The following PLXNA4 variants were observed in gnomAD, a reference collection of about 807,000 sequenced individuals.
The protein encoded by PLXNA4 is plexin-A4.
In PLXNA4, 44 loss-of-function variants were observed where a neutral mutation model predicts 191.8. The ratio of observed to expected loss-of-function variants is 0.23; its 90% CI spans 0.18 to 0.29. The LOEUF (loss-of-function observed/expected upper bound fraction) is 0.29. Among genes scored for constraint, PLXNA4 ranks in the 10% least tolerant of loss-of-function variants. PLXNA4 has a pLI of 1.00. For missense variants in PLXNA4, 1,800 were observed against 2,488.8 expected (o/e 0.72, Z 5.89); for synonymous variants, 1,082 against 1,009.5 (o/e 1.07, Z -1.36).
At chr7:132,333,264 G>C (rs1329492780) in intron 3 of PLXNA4, among the ~76,000 whole-genome samples, 1 of 152,214 alleles carries the variant, frequency 6.6e-6, no homozygotes, top group African/African-American at 2.4e-5. Context: ...ACTGGGGCTT[G>C]TTGAGGGACT....
At chr7:132,561,358 CCCT>C (rs1162321412) in intron 1 of PLXNA4, among the ~76,000 whole-genome samples, 3 of 110,602 alleles carry the variant, frequency 2.7e-5, no homozygotes, top group East Asian at 3.4e-4. Flanking sequence ...CTCTTCCTCT[CCCT>C]CCTTCTTGTC....
intron 9 of PLXNA4, among the ~76,000 whole-genome samples, chr7:132,214,541 C>T (rs1797905739): frequency 6.6e-6 from 1 of 152,104 alleles, no homozygotes; most frequent in African/African-American, 2.4e-5. Context: ...CCACTTCCAC[C>T]ACCCTGCCCC....
intron 2 of PLXNA4, among the ~76,000 whole-genome samples, chr7:132,582,828 T>G (rs996196453): frequency 1.3e-5 from 2 of 152,208 alleles, no homozygotes; most frequent in African/African-American, 4.8e-5. Flanking sequence ...ATTAACCTCT[T>G]AAGCTTATTA....
intron 31 of PLXNA4, 22 bp from the exon 32 acceptor site, chr7:132,130,596 G>A: frequency 6.2e-7 from 1 of 1,613,976 alleles, no homozygotes; most frequent in Non-Finnish European, 8.5e-7. Flanking sequence ...CCAAGAACAG[G>A]GAGATTACTC....
chr7:132,618,392 A>C (rs1563196222), intron 2 of PLXNA4, among the ~76,000 whole-genome samples: 1 of 151,168 alleles, frequency 6.6e-6, no homozygotes, highest in Non-Finnish European at 1.5e-5. Context: ...GGCAGAGGCC[A>C]TGTTCATTCT....
At chr7:132,619,303 T>C (rs1400820388) in intron 2 of PLXNA4, among the ~76,000 whole-genome samples, 1 of 152,166 alleles carries the variant, frequency 6.6e-6, no homozygotes, top group Non-Finnish European at 1.5e-5. Flanking sequence ...CAATTTTATA[T>C]GGGGACAAGA....
chr7:132,136,708 G>A (rs527680411), intron 30 of PLXNA4, among the ~76,000 whole-genome samples: 274 of 152,124 alleles, frequency 1.8e-3, no homozygotes, highest in Non-Finnish European at 2.0e-3. Flanking sequence ...CTGCCTTTAG[G>A]TTAGCTCTGT....
chr7:132,455,155 G>C (rs1424996146), intron 3 of PLXNA4, among the ~76,000 whole-genome samples: 1 of 152,214 alleles, frequency 6.6e-6, no homozygotes, highest in South Asian at 2.1e-4. Context: ...CACACTGGCA[G>C]GTATCTGTGG....
At chr7:132,573,198 TAAG>T (rs1231845564) in intron 1 of PLXNA4, among the ~76,000 whole-genome samples, 1 of 151,926 alleles carries the variant, frequency 6.6e-6, no homozygotes, top group Non-Finnish European at 1.5e-5. Context: ...TGGACACAAA[TAAG>T]AAGAGAGGAG....
At chr7:132,278,588 C>T (rs560911393) in intron 4 of PLXNA4, among the ~76,000 whole-genome samples, 81 of 152,268 alleles carry the variant, frequency 5.3e-4, no homozygotes, top group African/African-American at 1.8e-3. Flanking sequence ...ACTAATGGCC[C>T]GAGGCAGGGG....
At chr7:132,304,423 C>T (rs545646298) in intron 3 of PLXNA4, among the ~76,000 whole-genome samples, 18 of 152,316 alleles carry the variant, frequency 1.2e-4, no homozygotes, top group African/African-American at 4.3e-4. Flanking sequence ...TTTTACAAAA[C>T]AAGTAAAATT....
At position 132,532,548 on chromosome 7, in the gene PLXNA4, C is replaced by T. The variant is rs1223848179; in HGVS notation, c.-86-23769G>A. 2.0e-5 allele frequency among the ~76,000 whole-genome samples: 3 copies of T among 152,192 alleles called. No individual in the cohort carries two copies. The South Asian group carries it at 6.2e-4, about 32-fold the overall frequency. On this transcript the variant is annotated intron_variant, in intron 1 of 31. Transcript: ENST00000321063. ...ATATGACATCATACCATCCTTTATG[C>T]ACAATGCATTATCCTTCATATGTTT...
chr7:132,454,699 G>A (rs1796251817), intron 3 of PLXNA4, among the ~76,000 whole-genome samples: 1 of 151,894 alleles, frequency 6.6e-6, no homozygotes. Flanking sequence ...AAACTGACTG[G>A]TGTCCTTATA....
intron 1 of PLXNA4, among the ~76,000 whole-genome samples, chr7:132,509,483 T>C (rs1798621230): frequency 6.6e-6 from 1 of 152,210 alleles, no homozygotes; most frequent in Non-Finnish European, 1.5e-5. Context: ...ACCTCCGAAG[T>C]ACATCCTATT....
In PLXNA4 at chr7:132,507,486, G is replaced by A. The variant is rs749620412; in HGVS notation, c.1188+20C>T. On this transcript the variant is annotated intron_variant, in intron 2 of 31. Transcript: ENST00000321063. The stretch of plus-strand genomic sequence containing the variant: ...CCTACACTCCCAACCATCCCAGCGC[G>A]CAGCCCTCCCTGTACTCACCGCACT... 1.4e-5 allele frequency: 22 copies of A among 1,586,174 alleles called. No individual in the cohort carries two copies. Among genetic ancestry groups the A allele is most frequent in the East Asian group, 6.7e-5 (3 of 44,620 alleles).
chr7:132,210,301 T>C (rs1018617839), intron 10 of PLXNA4, among the ~76,000 whole-genome samples: 2 of 152,158 alleles, frequency 1.3e-5, no homozygotes, highest in Non-Finnish European at 2.9e-5. Flanking sequence ...GGGTTCACTG[T>C]GGGGTACCTA....
chr7:132,517,819 T>C (rs1799000078), intron 1 of PLXNA4, among the ~76,000 whole-genome samples: 1 of 152,182 alleles, frequency 6.6e-6, no homozygotes, highest in Admixed American at 6.5e-5. Flanking sequence ...CTGAGGGCAG[T>C]GAGGGAGTTG....
chr7:132,198,218 C>T (rs1041785363), intron 13 of PLXNA4, among the ~76,000 whole-genome samples: 2 of 152,176 alleles, frequency 1.3e-5, no homozygotes, highest in African/African-American at 4.8e-5. Context: ...CCCCTCCATG[C>T]GGCCTTATGC....
chr7:132,515,281 T>C (rs1231732537), intron 1 of PLXNA4, among the ~76,000 whole-genome samples: 1 of 152,126 alleles, frequency 6.6e-6, no homozygotes, highest in Non-Finnish European at 1.5e-5. Context: ...AGCCAAAGGA[T>C]AGAGAGTACT....
Sources: allele counts gnomAD v4.1 joint callset (sites outside exome capture counted in the v4.1 genomes callset), GRCh38; gene constraint gnomAD v4.1.1; transcripts MANE v1.5; gene names NCBI Gene and HGNC (gene_info 2026-07-23, HGNC 2026-07-21).